TRDN: variants seen among roughly 807,000 people sequenced by gnomAD.
The protein encoded by TRDN is triadin in skeletal muscle.
Under a neutral mutation model 149.7 loss-of-function variants are expected in TRDN, and 161 were observed. That is an observed-to-expected ratio of 1.08 (90% CI 0.95 to 1.23). TRDN has a LOEUF of 1.23. TRDN is among the 50% of genes most tolerant of loss of function. TRDN has a pLI of 0.00. For synonymous variants in TRDN, 294 were observed against 250.5 expected (o/e 1.17, Z -1.64); for missense variants, 896 against 823.5 (o/e 1.09, Z -1.08).
chr6:123,338,735 T>C (rs972270851), intron 21 of TRDN, among the ~76,000 whole-genome samples: 1 of 152,186 alleles, frequency 6.6e-6, no homozygotes, highest in Non-Finnish European at 1.5e-5. Context: ...AAATCAGCTG[T>C]TGTTTTACAC....
intron 21 of TRDN, among the ~76,000 whole-genome samples, chr6:123,343,741 T>C (rs1780149353): frequency 1.3e-5 from 2 of 151,912 alleles, no homozygotes; most frequent in Non-Finnish European, 1.5e-5. Context: ...TAAAGTATAA[T>C]AATAAAAAAA....
intron 21 of TRDN, among the ~76,000 whole-genome samples, chr6:123,342,328 G>T (rs1004799489): frequency 6.6e-6 from 1 of 151,794 alleles, no homozygotes; most frequent in Non-Finnish European, 1.5e-5. Context: ...TAGGGACAGG[G>T]TTGGCTACTG....
chr6:123,603,897 T>C (rs1784395083), intron 1 of TRDN, among the ~76,000 whole-genome samples: 1 of 152,188 alleles, frequency 6.6e-6, no homozygotes, highest in Non-Finnish European at 1.5e-5. Flanking sequence ...TCTACTTTTC[T>C]CAAATGCATC....
At chr6:123,411,909 T>C (rs1773457020) in intron 12 of TRDN, 1 of 152,188 alleles carries the variant, frequency 6.6e-6, no homozygotes, top group Non-Finnish European at 1.5e-5. Context: ...ATGTAAACCT[T>C]AGCAACATTT....
At chr6:123,351,432 C>T in intron 21 of TRDN, 1 of 984,830 alleles carries the variant, frequency 1.0e-6, no homozygotes. Flanking sequence ...ATTTCAGAAA[C>T]TAAAATTCCA....
At chr6:123,462,282 A>C (rs887407412) in intron 10 of TRDN, 5 of 152,240 alleles carry the variant, frequency 3.3e-5, no homozygotes, top group Non-Finnish European at 5.9e-5. Flanking sequence ...ACAGAAATCC[A>C]AGAAAGGCAA....
At chr6:123,527,020 C>T (rs1779983910) in intron 5 of TRDN, among the ~76,000 whole-genome samples, 1 of 151,886 alleles carries the variant, frequency 6.6e-6, no homozygotes, top group African/African-American at 2.4e-5. Context: ...CCCCATTTTA[C>T]AGATGATGAA....
At chr6:123,300,622 A>T (rs1778364651) in intron 24 of TRDN, among the ~76,000 whole-genome samples, 1 of 151,894 alleles carries the variant, frequency 6.6e-6, no homozygotes, top group Non-Finnish European at 1.5e-5. Flanking sequence ...TAGTTCTTCT[A>T]AGCTCCTGAA....
intron 14 of TRDN, among the ~76,000 whole-genome samples, chr6:123,387,148 T>C (rs1415197606): frequency 6.6e-6 from 1 of 152,144 alleles, no homozygotes; most frequent in East Asian, 1.9e-4. Flanking sequence ...AAAGAGGTAA[T>C]ATTAGAGGCA....
At chr6:123,236,047 G>A (rs1407663700) in intron 38 of TRDN, among the ~76,000 whole-genome samples, 1 of 152,116 alleles carries the variant, frequency 6.6e-6, no homozygotes, top group Non-Finnish European at 1.5e-5. Flanking sequence ...TCATCCTTCA[G>A]GAGTGAGATG....
chr6:123,436,020 CA>C (rs1428798377), intron 12 of TRDN, among the ~76,000 whole-genome samples: 1 of 152,126 alleles, frequency 6.6e-6, no homozygotes, highest in Non-Finnish European at 1.5e-5. Flanking sequence ...TGAGCACACA[CA>C]AACACACACA....
intron 1 of TRDN, among the ~76,000 whole-genome samples, chr6:123,606,308 T>C (rs1403626319): frequency 6.6e-6 from 1 of 152,110 alleles, no homozygotes; most frequent in Non-Finnish European, 1.5e-5. Context: ...ACATTTTATA[T>C]AAGTGCATAA....
chr6:123,571,952 T>C (rs772788584), intron 1 of TRDN, among the ~76,000 whole-genome samples: 6 of 152,164 alleles, frequency 3.9e-5, no homozygotes, highest in Non-Finnish European at 7.4e-5. Flanking sequence ...CAGCACATAT[T>C]ATTATTTATT....
chr6:123,453,731 T>C (rs2114664368), intron 10 of TRDN, among the ~76,000 whole-genome samples: 1 of 152,220 alleles, frequency 6.6e-6, no homozygotes, highest in African/African-American at 2.4e-5. Context: ...GAACTACCAT[T>C]TGATCCAGCA....
At chr6:123,465,098 A>G in intron 9 of TRDN, 115 bp from the exon 10 acceptor site, 3 of 1,123,500 alleles carry the variant, frequency 2.7e-6, no homozygotes, top group East Asian at 2.6e-5. Context: ...CAAGCCAAGT[A>G]TAAATCATAT....
chr6:123,284,986 AC>A (rs1182665486), intron 24 of TRDN, among the ~76,000 whole-genome samples: 1 of 152,158 alleles, frequency 6.6e-6, no homozygotes, highest in Non-Finnish European at 1.5e-5. Flanking sequence ...AAGGAAAACT[AC>A]AAAACAGTGC....
chr6:123,483,645 T>G (rs898395267), intron 9 of TRDN, among the ~76,000 whole-genome samples: 4 of 152,176 alleles, frequency 2.6e-5, no homozygotes, highest in African/African-American at 9.6e-5. Flanking sequence ...TATGATTTAG[T>G]GCTTAATTAG....
chr6:123,400,190 A>ATATATATATAT (rs1562295327), intron 12 of TRDN, among the ~76,000 whole-genome samples: 4 of 46,538 alleles, frequency 8.6e-5, no homozygotes, highest in East Asian at 6.9e-4. Context: ...TATATATATA[A>ATATATATATAT]ACACACACAT....
chr6:123,498,781 T>C, intron 8 of TRDN: 1 of 351,650 alleles, frequency 2.8e-6, no homozygotes, highest in Non-Finnish European at 5.8e-6. Flanking sequence ...TACATTTCCC[T>C]TAAATGAAAA....
Sources: allele counts gnomAD v4.1 joint callset (sites outside exome capture counted in the v4.1 genomes callset), GRCh38; gene constraint gnomAD v4.1.1; transcripts MANE v1.5; gene names NCBI Gene and HGNC (gene_info 2026-07-23, HGNC 2026-07-21).